CERS3: variants seen among roughly 807,000 people sequenced by gnomAD.
CERS3 encodes ceramide synthase 3, also known as LAG1 homolog, ceramide synthase 3.
A neutral mutation model predicts 50.3 loss-of-function variants in CERS3; 33 were observed. That is an observed-to-expected ratio of 0.66 (90% CI 0.50 to 0.88). CERS3 has a LOEUF of 0.88. CERS3 is among the 40% of genes least tolerant of loss of function. CERS3 has a pLI of 0.00. For missense variants in CERS3, 470 were observed against 460.3 expected (o/e 1.02, Z -0.19); for synonymous variants, 176 against 155.2 (o/e 1.13, Z -0.99).
rs555030395 is a variant in CERS3 at position 100,509,619 on chromosome 15, CATT to C, written c.-1-7772_-1-7770del. The stretch of plus-strand genomic sequence containing the variant: ...TGAGTTCACATTCGCGATCTCTGAA[CATT>C]ATTATGGTTGGAGGATATGAGTTGG... On this transcript the variant is annotated intron_variant, in intron 2 of 11. Transcript: ENST00000679737. 1.2e-3 allele frequency among the ~76,000 whole-genome samples: 181 copies of C among 152,282 alleles called. 2 individuals carry two copies. The highest frequency in any genetic ancestry group is 0.01 in the Admixed American group (160 of 15,298).
chr15:100,458,448 T>C (rs948458051), intron 10 of CERS3, among the ~76,000 whole-genome samples: 2 of 151,904 alleles, frequency 1.3e-5, no homozygotes, highest in African/African-American at 4.8e-5. Flanking sequence ...TAGCCAGGTG[T>C]GGTGGCAGGT....
At chr15:100,450,005 T>C (rs2034095071) in intron 11 of CERS3, among the ~76,000 whole-genome samples, 1 of 151,780 alleles carries the variant, frequency 6.6e-6, no homozygotes, top group Non-Finnish European at 1.5e-5. Flanking sequence ...GAAAAACAAT[T>C]CATAATGTGA....
chr15:100,527,484 C>T (rs118141998), intron 1 of CERS3, among the ~76,000 whole-genome samples: 6 of 152,256 alleles, frequency 3.9e-5, no homozygotes, highest in African/African-American at 9.6e-5. Context: ...ACACCAAATT[C>T]GAGTATTTGA....
chr15:100,500,039 G>T (rs1313683545), intron 3 of CERS3, among the ~76,000 whole-genome samples: 2 of 152,014 alleles, frequency 1.3e-5, no homozygotes, highest in Non-Finnish European at 2.9e-5. Flanking sequence ...CAAATATAAG[G>T]TATAAGTGAT....
chr15:100,499,373 A>G (rs2035930736), intron 3 of CERS3, among the ~76,000 whole-genome samples: 1 of 152,248 alleles, frequency 6.6e-6, no homozygotes, highest in South Asian at 2.1e-4. Flanking sequence ...ACACACACAC[A>G]CAAAAACAAA....
upstream of CERS3, among the ~76,000 whole-genome samples, chr15:100,530,859 G>C (rs145474407): frequency 6.6e-6 from 1 of 152,152 alleles, no homozygotes; most frequent in Non-Finnish European, 1.5e-5. Flanking sequence ...GAGGTGGGAG[G>C]ATCCCTTGAG....
chr15:100,442,930 T>A (rs1336220255), intron 11 of CERS3, among the ~76,000 whole-genome samples: 1 of 151,528 alleles, frequency 6.6e-6, no homozygotes, highest in Non-Finnish European at 1.5e-5. Flanking sequence ...CCATAACTGT[T>A]GTGGGTATTG....
chr15:100,519,074 G>A lies in CERS3; in HGVS notation c.-2+2593C>T, dbSNP rs1476571153. On this transcript the variant is annotated intron_variant, in intron 2 of 11. Transcript: ENST00000679737. ...CTCAGGATGCTGAGGCAGGAGAATC[G>A]CTTGAACCCGGAAGGCGGAGGTTGC... 5.9e-5 allele frequency among the ~76,000 whole-genome samples: 9 copies of A among 151,998 alleles called. 1 individual carries two copies. The highest frequency in any genetic ancestry group is 1.5e-5 in the Non-Finnish European group (1 of 68,022).
chr15:100,497,522 T>A (rs2035856811), intron 3 of CERS3, among the ~76,000 whole-genome samples: 1 of 152,014 alleles, frequency 6.6e-6, no homozygotes, highest in Non-Finnish European at 1.5e-5. Context: ...TTTCAATATA[T>A]CTGCTCAGTG....
chr15:100,423,943 CTTT>C (rs113638589), intron 11 of CERS3, among the ~76,000 whole-genome samples: 3 of 139,648 alleles, frequency 2.1e-5, no homozygotes, highest in African/African-American at 2.7e-5. Context: ...TTCTTTCTTT[CTTT>C]TTTTTTTTTT....
chr15:100,406,836 A>C (rs2031071335), intron 11 of CERS3, among the ~76,000 whole-genome samples: 1 of 152,236 alleles, frequency 6.6e-6, no homozygotes. Flanking sequence ...GAAGAAAAAA[A>C]GGTTTAATGA....
chr15:100,540,547 T>TA (rs912472912), intron 1 of CERS3, among the ~76,000 whole-genome samples: 23 of 151,674 alleles, frequency 1.5e-4, no homozygotes, highest in Admixed American at 4.6e-4. Context: ...CTCTCTCAAA[T>TA]AAAAAAAAAT....
At chr15:100,434,019 C>G (rs1288905871) in intron 11 of CERS3, among the ~76,000 whole-genome samples, 1 of 152,238 alleles carries the variant, frequency 6.6e-6, no homozygotes, top group African/African-American at 2.4e-5. Context: ...CTGGCCTTAG[C>G]CCCTGCAGTC....
intron 2 of CERS3, among the ~76,000 whole-genome samples, chr15:100,509,100 G>C (rs1401647242): frequency 6.6e-6 from 1 of 152,148 alleles, no homozygotes; most frequent in African/African-American, 2.4e-5. Flanking sequence ...GCTGCCAAAA[G>C]TTTCCAAGAA....
chr15:100,544,059 C>T, intron 1 of CERS3: 1 of 152,310 alleles, frequency 6.6e-6, no homozygotes, highest in East Asian at 1.9e-4. Context: ...CAGCACATTT[C>T]AGTGCTCCCC....
intron 7 of CERS3, among the ~76,000 whole-genome samples, chr15:100,478,474 G>A (rs1464892961): frequency 2.0e-5 from 3 of 151,374 alleles, no homozygotes; most frequent in East Asian, 3.8e-4. Flanking sequence ...CAGTATTTGG[G>A]CCAATCCTTC....
intron 2 of CERS3, among the ~76,000 whole-genome samples, chr15:100,502,769 G>A (rs1281839624): frequency 1.3e-5 from 2 of 152,172 alleles, no homozygotes; most frequent in Non-Finnish European, 2.9e-5. Context: ...AAGCAAGGCA[G>A]GCCTGAACTC....
intron 11 of CERS3, among the ~76,000 whole-genome samples, chr15:100,423,067 C>A: frequency 7.4e-6 from 1 of 135,736 alleles, no homozygotes; most frequent in Non-Finnish European, 1.6e-5. Context: ...GCACATGTAC[C>A]CTAAAACTTA....
At chr15:100,418,581 C>A (rs1289762878) in intron 11 of CERS3, among the ~76,000 whole-genome samples, 5 of 143,040 alleles carry the variant, frequency 3.5e-5, no homozygotes, top group African/African-American at 1.3e-4. Flanking sequence ...ATACAGAGAA[C>A]GCCACAAAGA....
Sources: gnomAD v4.1 joint callset for allele counts (sites outside exome capture counted in the v4.1 genomes callset) on GRCh38, gnomAD v4.1.1 for gene constraint, MANE v1.5 for transcripts, NCBI Gene and HGNC (gene_info 2026-07-23, HGNC 2026-07-21) for gene names.